The following RPH3AL variants were observed in gnomAD, a reference collection of about 807,000 sequenced individuals.
RPH3AL encodes the protein rabphilin 3A like (without C2 domains), also known as rab effector Noc2.
A neutral mutation model predicts 43.1 loss-of-function variants in RPH3AL; 38 were observed. That is an observed-to-expected ratio of 0.88 (90% confidence interval 0.68 to 1.15). The LOEUF (loss-of-function observed/expected upper bound fraction) is 1.15, where lower values mean the gene tolerates loss of function less well. RPH3AL is among the 50% of genes most tolerant of loss of function. The pLI is 0.00. For missense variants in RPH3AL, 462 were observed against 423.2 expected, an observed-to-expected ratio of 1.09 and a Z score of -0.81; for synonymous variants, 189 against 176.3, an observed-to-expected ratio of 1.07 and a Z score of -0.57.
chr17:249,973 G>T lies in RPH3AL; in HGVS notation c.439-2688C>A, dbSNP rs576442581. On this transcript the variant is annotated intron_variant, in intron 6 of 9. Coordinates refer to ENST00000331302, the MANE Select transcript of RPH3AL (RefSeq NM_006987.4). ...AGAGCCTTTACTAAGCTCCGTCGCT[G>T]CAGGACCTCTCGGAGCCTTTACTAA... Among the ~76,000 whole-genome samples, 2 of 145,022 alleles carry T rather than the reference G, an allele frequency of 1.4e-5. 1 individual carries two copies. The highest frequency in any genetic ancestry group is 3.0e-5 in the Non-Finnish European group (2 of 66,280).
intron 7 of RPH3AL, among the ~76,000 whole-genome samples, chr17:233,201 G>C (rs116957596): frequency 0.039 from 5,929 of 152,202 alleles, 165 homozygotes; most frequent in South Asian, 0.075. Context: ...GGGCTTTCCA[G>C]TAGAGCCTGA....
Position 258,757 on chromosome 17 carries a change from G to GTTTTTTTTTTTTTTT in RPH3AL, c.439-11487_439-11473dup, listed in dbSNP as rs372761475. Among the ~76,000 whole-genome samples, 3 of 98,770 alleles carry GTTTTTTTTTTTTTTT rather than the reference G, an allele frequency of 3.0e-5. 1 individual carries two copies. Among genetic ancestry groups the GTTTTTTTTTTTTTTT allele is most frequent in the African/African-American group, 7.5e-5 (2 of 26,746 alleles). The allele number at this position is 98,770 out of a possible 152,430, so 64.8% of individuals were successfully genotyped here. ...TCAGCCATTTTGGGATAGTCAACCC[G>GTTTTTTTTTTTTTTT]TTTTTTTTTTTTTTTTTTTTTGAGA... On this transcript the variant is annotated intron_variant, in intron 6 of 9. Transcript: ENST00000331302.
At chr17:286,847 G>T (rs34700119) in intron 5 of RPH3AL, among the ~76,000 whole-genome samples, 67,378 of 149,700 alleles carry the variant, frequency 0.45, 16,929 homozygotes, top group Non-Finnish European at 0.56. Context: ...GGTGTTAAAC[G>T]ATGAAGCTTC....
At chr17:235,849 C>T (rs1350699915) in intron 7 of RPH3AL, among the ~76,000 whole-genome samples, 4 of 143,496 alleles carry the variant, frequency 2.8e-5, no homozygotes, top group Admixed American at 2.1e-4. Flanking sequence ...CAAGACAGGT[C>T]CCGGGTTCAA....
At chr17:316,945 G>T (rs1184508102) in intron 5 of RPH3AL, among the ~76,000 whole-genome samples, 1 of 123,874 alleles carries the variant, frequency 8.1e-6, no homozygotes, top group Non-Finnish European at 1.7e-5. Context: ...CACCTCCATT[G>T]ACCTGTAGTC....
chr17:348,716 C>T (rs1440510672), intron 1 of RPH3AL, among the ~76,000 whole-genome samples: 1 of 152,152 alleles, frequency 6.6e-6, no homozygotes, highest in East Asian at 1.9e-4. Flanking sequence ...TAATCACAGG[C>T]GCCCATCATC....
chr17:286,913 T>TCTCTCTGCACCGTCAGACCTCGCACC (rs2042927573), intron 5 of RPH3AL, among the ~76,000 whole-genome samples: 1 of 92,222 alleles, frequency 1.1e-5, no homozygotes, highest in Non-Finnish European at 2.4e-5. Flanking sequence ...CCTCGCACCC[T>TCTCTCTGCACCGTCAGACCTCGCACC]CTCTCTCCAC....
At chr17:224,986 G>C in intron 7 of RPH3AL, among the ~76,000 whole-genome samples, 1 of 123,022 alleles carries the variant, frequency 8.1e-6, no homozygotes. Flanking sequence ...AGGGGGGAGG[G>C]ATAGCGTTAG....
intron 7 of RPH3AL, among the ~76,000 whole-genome samples, chr17:235,751 A>ACACTAACAAGATGGATCCT (rs2041368529): frequency 1.1e-5 from 1 of 88,954 alleles, no homozygotes; most frequent in South Asian, 4.0e-4. Flanking sequence ...AGACGGATCC[A>ACACTAACAAGATGGATCCT]GGGTTCAAAG....
In RPH3AL at chr17:352,787, G is replaced by A. The variant is rs574853377; in HGVS notation, c.-288C>T. 27 of 152,308 alleles carry A rather than the reference G, an allele frequency of 1.8e-4. No homozygotes were observed. The East Asian group carries it at 4.6e-3, about 26-fold the overall frequency. 9.4% of individuals were successfully genotyped at this position (152,308 alleles called of 1,614,324 possible). ...CGCTCTCCCTCCCACCACCGTTGTC[G>A]GGGGTGACCCGAGGTGTTCCAGATG... is the stretch of plus-strand genomic sequence containing the variant. On this transcript the variant is annotated 5_prime_UTR_variant, in exon 1 of 10. Transcript: ENST00000331302.
intron 3 of RPH3AL, 25 bp from the exon 4 acceptor site, chr17:321,440 C>T (rs772004022): frequency 3.6e-5 from 56 of 1,554,288 alleles, no homozygotes; most frequent in Non-Finnish European, 4.3e-5. Flanking sequence ...GCACAGACGG[C>T]GTGGAGGCCT....
intron 6 of RPH3AL, among the ~76,000 whole-genome samples, chr17:256,132 T>C (rs1297415948): frequency 2.3e-4 from 1 of 4,348 alleles, no homozygotes; most frequent in African/African-American, 5.2e-4. Context: ...GCACGGCGTC[T>C]GTCCTTTTCC....
rs1417409836 is a variant in RPH3AL at position 319,523 on chromosome 17, A to G, written c.248T>C (p.Met83Thr). ...IGRLVERLET[M>T]RRNVMGNGLS... ...GCCGTTCCCCATCACATTCCGCCTC[A>G]TGGTCTCCAGCCGCTCCACCAGCCG... The change falls in exon 5 of 10, where the codon ATG becomes ACG. Residue 83 changes from methionine (M) to threonine (T), a missense_variant. Physicochemically the swap from Met to Thr is moderately conservative, Grantham distance 81 (BLOSUM62 -1). Coordinates refer to ENST00000331302, the MANE Select transcript of RPH3AL (RefSeq NM_006987.4). 1.2e-6 allele frequency: 2 copies of G among 1,611,948 alleles called. No individual in the cohort carries two copies. The highest frequency in any genetic ancestry group is 1.1e-5 in the South Asian group (1 of 91,072).
intron 6 of RPH3AL, among the ~76,000 whole-genome samples, chr17:267,782 T>C (rs1458345376): frequency 6.6e-6 from 1 of 152,216 alleles, no homozygotes; most frequent in African/African-American, 2.4e-5. Context: ...CCCTGCATTC[T>C]GGGAGATCCT....
chr17:317,310 C>T (rs1180473696), intron 5 of RPH3AL, among the ~76,000 whole-genome samples: 6 of 150,976 alleles, frequency 4.0e-5, no homozygotes, highest in African/African-American at 1.2e-4. Flanking sequence ...CCTCCATTGA[C>T]CTTTAGTCCA....
chr17:296,152 G>A (rs1487613398), intron 5 of RPH3AL, among the ~76,000 whole-genome samples: 3 of 135,816 alleles, frequency 2.2e-5, no homozygotes, highest in Non-Finnish European at 4.8e-5. Flanking sequence ...GTGTGGGAGG[G>A]ACAGAGGAGC....
intron 6 of RPH3AL, among the ~76,000 whole-genome samples, chr17:269,776 G>A (rs535933380): frequency 3.9e-5 from 6 of 152,316 alleles, no homozygotes; most frequent in East Asian, 3.9e-4. Context: ...ATGAACTCAC[G>A]GACTGGAGCA....
chr17:222,607 C>T (rs1230907326), intron 7 of RPH3AL, among the ~76,000 whole-genome samples: 1 of 152,182 alleles, frequency 6.6e-6, no homozygotes, highest in Non-Finnish European at 1.5e-5. Context: ...TTTAAACATT[C>T]TATTTTAATT....
intron 5 of RPH3AL, among the ~76,000 whole-genome samples, chr17:304,286 T>C (rs1351220769): frequency 6.6e-6 from 1 of 151,082 alleles, no homozygotes; most frequent in Non-Finnish European, 1.5e-5. Context: ...GCCCCCGAGA[T>C]AGGTATTATT....
Sources: allele counts gnomAD v4.1 joint callset (sites outside exome capture counted in the v4.1 genomes callset), GRCh38; gene constraint gnomAD v4.1.1; transcripts MANE v1.5; gene names NCBI Gene and HGNC (gene_info 2026-07-23, HGNC 2026-07-21).